REEP1: variants seen among roughly 807,000 people sequenced by gnomAD.
REEP1 encodes the protein receptor expression-enhancing protein 1.
A neutral mutation model predicts 40.3 loss-of-function variants in REEP1; 22 were observed. That is an observed-to-expected ratio of 0.55 (90% confidence interval 0.39 to 0.78). REEP1 has a LOEUF of 0.78. Among genes scored for constraint, REEP1 ranks in the 30% least tolerant of loss-of-function variants. The pLI is 0.00. For synonymous variants in REEP1, 116 were observed against 139.2 expected, an observed-to-expected ratio of 0.83 and a Z score of 1.17; for missense variants, 280 against 361.1, an observed-to-expected ratio of 0.78 and a Z score of 1.82.
chr2:86,235,055 TTTCA>T (rs1468349503), intron 5 of REEP1, among the ~76,000 whole-genome samples: 2 of 152,260 alleles, frequency 1.3e-5, no homozygotes, highest in African/African-American at 4.8e-5. Context: ...TGACTCACTC[TTTCA>T]TTCATCCTCT....
At chr2:86,304,899 A>C (rs543916447) in intron 1 of REEP1, among the ~76,000 whole-genome samples, 19 of 152,352 alleles carry the variant, frequency 1.2e-4, no homozygotes, top group African/African-American at 4.3e-4. Flanking sequence ...TGGGGTGGCC[A>C]CATCTGGCCA....
At chr2:86,255,406 A>G (rs1676503703) in intron 3 of REEP1, among the ~76,000 whole-genome samples, 1 of 152,198 alleles carries the variant, frequency 6.6e-6, no homozygotes, top group African/African-American at 2.4e-5. Context: ...ATGGCAGGCA[A>G]ACAGATTTTG....
chr2:86,260,523 T>C (rs1415438964), intron 3 of REEP1, among the ~76,000 whole-genome samples: 1 of 152,170 alleles, frequency 6.6e-6, no homozygotes, highest in Non-Finnish European at 1.5e-5. Context: ...GGAGATTATA[T>C]GGGATTATTG....
At chr2:86,334,133 C>T (rs141735446) in intron 1 of REEP1, among the ~76,000 whole-genome samples, 6 of 152,184 alleles carry the variant, frequency 3.9e-5, no homozygotes, top group East Asian at 1.9e-4. Context: ...AGGGATAAAG[C>T]GGTTGTAAAG....
At chr2:86,252,186 G>T (rs978490280) in intron 4 of REEP1, 116 bp from the exon 5 acceptor site, 6 of 781,646 alleles carry the variant, frequency 7.7e-6, no homozygotes, top group Middle Eastern at 2.2e-4. Context: ...TTCTTGCTGG[G>T]CCTGAAAAGC....
chr2:86,267,809 A>C (rs998754127), intron 2 of REEP1, among the ~76,000 whole-genome samples: 1 of 152,170 alleles, frequency 6.6e-6, no homozygotes, highest in Admixed American at 6.5e-5. Context: ...TCATCTGATA[A>C]GGTACTTATA....
intron 1 of REEP1, among the ~76,000 whole-genome samples, chr2:86,300,232 C>T (rs1045096060): frequency 3.3e-5 from 5 of 152,196 alleles, no homozygotes; most frequent in Non-Finnish European, 5.9e-5. Flanking sequence ...AGTCCAAATT[C>T]TGCCTCTTTA....
chr2:86,336,080 G>T (rs1681016100), intron 1 of REEP1, among the ~76,000 whole-genome samples: 1 of 152,156 alleles, frequency 6.6e-6, no homozygotes, highest in African/African-American at 2.4e-5. Flanking sequence ...TCCCAGAGAG[G>T]AAACACCACC....
At chr2:86,283,630 GA>G (rs1678221802) in intron 1 of REEP1, among the ~76,000 whole-genome samples, 1 of 152,230 alleles carries the variant, frequency 6.6e-6, no homozygotes, top group Admixed American at 6.5e-5. Context: ...GGTTTCCAGG[GA>G]AAACAAAGTT....
intron 1 of REEP1, among the ~76,000 whole-genome samples, chr2:86,310,014 A>G (rs11127027): frequency 1.3e-5 from 2 of 152,198 alleles, no homozygotes; most frequent in African/African-American, 4.8e-5. Flanking sequence ...CCGGGGGCCT[A>G]CCATGATCAC....
intron 1 of REEP1, among the ~76,000 whole-genome samples, chr2:86,324,546 C>T (rs915302132): frequency 5.9e-5 from 9 of 152,048 alleles, no homozygotes; most frequent in Non-Finnish European, 8.8e-5. Flanking sequence ...TGAAAGAAAA[C>T]GGGTTTGGAG....
intron 1 of REEP1, among the ~76,000 whole-genome samples, chr2:86,296,658 A>T (rs530601230): frequency 6.6e-6 from 1 of 152,134 alleles, no homozygotes; most frequent in African/African-American, 2.4e-5. Context: ...GGAGTTTGAA[A>T]CCAGCCTGGC....
intron 7 of REEP1, among the ~76,000 whole-genome samples, chr2:86,227,149 C>T (rs1347882184): frequency 1.3e-5 from 2 of 152,216 alleles, no homozygotes. Flanking sequence ...TTGAGAGACC[C>T]TGAGCTAGAA....
chr2:86,253,000 G>A (rs1229759724), intron 4 of REEP1, among the ~76,000 whole-genome samples: 1 of 152,168 alleles, frequency 6.6e-6, no homozygotes, highest in Non-Finnish European at 1.5e-5. Flanking sequence ...GCTGTTTGTC[G>A]GCCGGGTGCA....
intron 1 of REEP1, among the ~76,000 whole-genome samples, chr2:86,310,220 AC>A (rs1679696191): frequency 6.6e-6 from 1 of 152,232 alleles, no homozygotes; most frequent in South Asian, 2.1e-4. Flanking sequence ...CCTTTTACAG[AC>A]AAATGAGGCT....
At chr2:86,299,894 T>A (rs1679179530) in intron 1 of REEP1, among the ~76,000 whole-genome samples, 1 of 152,192 alleles carries the variant, frequency 6.6e-6, no homozygotes, top group Non-Finnish European at 1.5e-5. Context: ...AAAATACTGG[T>A]AGACTGAATA....
At chr2:86,328,684 GA>G (rs892638704) in intron 1 of REEP1, among the ~76,000 whole-genome samples, 2 of 151,780 alleles carry the variant, frequency 1.3e-5, no homozygotes, top group South Asian at 2.1e-4. Context: ...TCTTAAAAAA[GA>G]AAAAAAAGAA....
intron 7 of REEP1, among the ~76,000 whole-genome samples, chr2:86,226,468 CTT>C (rs745419771): frequency 0.11 from 2,598 of 24,726 alleles, 57 homozygotes; most frequent in Non-Finnish European, 0.22. Flanking sequence ...TTTTTCTTTT[CTT>C]TTTTTTTTTT....
At position 86,283,562 on chromosome 2, in the gene REEP1, G is replaced by A. The variant is rs116325208; in HGVS notation, c.33-1320C>T. ...GTCCAGAAGCAATTTACCAAGCAGG[G>A]GTCAGCTTTACCATGAGCACTGTTG... On this transcript the variant is annotated intron_variant, in intron 1 of 8. Coordinates refer to ENST00000538924, the MANE Select transcript of REEP1 (RefSeq NM_001371279.1). Among the ~76,000 whole-genome samples the A allele has an allele frequency of 9.6e-3, 1,467 of 152,234 alleles. 8 individuals are homozygous for A. The highest frequency in any genetic ancestry group is 0.015 in the Non-Finnish European group (1,048 of 68,014).
Sources: allele counts gnomAD v4.1 joint callset (sites outside exome capture counted in the v4.1 genomes callset), GRCh38; gene constraint gnomAD v4.1.1; transcripts MANE v1.5; gene names NCBI Gene and HGNC (gene_info 2026-07-23, HGNC 2026-07-21).